BABAM2: variants seen among roughly 807,000 people sequenced by gnomAD.
The protein encoded by BABAM2 is BRISC and BRCA1-A complex member 2.
A neutral mutation model predicts 54.7 loss-of-function variants in BABAM2; 31 were observed. The ratio of observed to expected loss-of-function variants is 0.57; its 90% CI spans 0.43 to 0.77. The LOEUF is 0.77. BABAM2 is among the 30% of genes least tolerant of loss of function. The pLI is 0.00. For missense variants in BABAM2, 364 were observed against 455.8 expected, an observed-to-expected ratio of 0.80 and a Z score of 1.83; for synonymous variants, 167 against 162.9, an observed-to-expected ratio of 1.03 and a Z score of -0.19.
chr2:28,127,563 C>T (rs554204134), intron 6 of BABAM2, among the ~76,000 whole-genome samples: 15 of 152,164 alleles, frequency 9.9e-5, no homozygotes, highest in African/African-American at 3.6e-4. Context: ...TCTTTCCTTT[C>T]CTTTAAAAAT....
At chr2:27,979,695 T>C (rs950861635) in intron 3 of BABAM2, among the ~76,000 whole-genome samples, 8 of 152,184 alleles carry the variant, frequency 5.3e-5, no homozygotes, top group Admixed American at 3.3e-4. Context: ...TTTTGATGTG[T>C]ATTTCTCTAA....
chr2:28,018,850 T>C (rs2148549199), intron 4 of BABAM2, among the ~76,000 whole-genome samples: 1 of 152,332 alleles, frequency 6.6e-6, no homozygotes, highest in East Asian at 1.9e-4. Flanking sequence ...TAAAACATTT[T>C]ACTTTAAGTT....
chr2:28,213,534 TA>T (rs1292566265), intron 7 of BABAM2, among the ~76,000 whole-genome samples: 1 of 152,112 alleles, frequency 6.6e-6, no homozygotes, highest in African/African-American at 2.4e-5. Flanking sequence ...ATAATATTAA[TA>T]AGGAATATAA....
rs553882473 is a variant in BABAM2, at chr2:28,050,368, C to A, written c.570+4569C>A. ...ACCAGGTGGGTGGCAGAAGGCTTTTCTTCACTTTCCTTGATTTATACTATA... is the reference window on the plus strand; with the variant it reads ...ACCAGGTGGGTGGCAGAAGGCTTTTATTCACTTTCCTTGATTTATACTATA... On this transcript the variant is annotated intron_variant, in intron 6 of 11. Transcript: ENST00000379624. Among the ~76,000 whole-genome samples, 4 of 152,274 alleles carry A rather than the reference C, an allele frequency of 2.6e-5. No individual in the cohort carries two copies. In the South Asian group the frequency reaches 8.3e-4, roughly 32 times the overall value.
chr2:28,177,087 G>C (rs533500539), intron 7 of BABAM2, among the ~76,000 whole-genome samples: 2 of 151,936 alleles, frequency 1.3e-5, no homozygotes, highest in Non-Finnish European at 2.9e-5. Flanking sequence ...AATCCAAAAA[G>C]GTTCTTCCCT....
chr2:28,294,253 G>A (rs187558182), intron 10 of BABAM2, among the ~76,000 whole-genome samples: 5 of 152,130 alleles, frequency 3.3e-5, no homozygotes, highest in Non-Finnish European at 7.4e-5. Context: ...GACGGCAGGC[G>A]TCTGTAATCC....
At chr2:27,932,782 G>A (rs1272128976) in intron 3 of BABAM2, among the ~76,000 whole-genome samples, 3 of 152,114 alleles carry the variant, frequency 2.0e-5, no homozygotes, top group Non-Finnish European at 2.9e-5. Context: ...GGTTTACTAG[G>A]ACAGATGGCT....
chr2:28,194,671 T>A (rs1677320635), intron 7 of BABAM2, among the ~76,000 whole-genome samples: 1 of 135,516 alleles, frequency 7.4e-6, no homozygotes, highest in South Asian at 2.5e-4. Flanking sequence ...AACCTCCGCC[T>A]CCTGGGTTCA....
intron 6 of BABAM2, among the ~76,000 whole-genome samples, chr2:28,066,355 T>C (rs1663566138): frequency 1.3e-5 from 2 of 152,148 alleles, no homozygotes; most frequent in Non-Finnish European, 2.9e-5. Flanking sequence ...AAAGGCTTTT[T>C]ATTCTTTAGT....
intron 10 of BABAM2, among the ~76,000 whole-genome samples, chr2:28,264,567 A>G (rs977164157): frequency 1.3e-5 from 2 of 152,242 alleles, no homozygotes; most frequent in Non-Finnish European, 2.9e-5. Flanking sequence ...TTATGTTGGA[A>G]GAATGGAGTG....
intron 3 of BABAM2, among the ~76,000 whole-genome samples, chr2:27,932,406 G>T (rs888265117): frequency 6.6e-6 from 1 of 152,008 alleles, no homozygotes; most frequent in East Asian, 1.9e-4. Context: ...TTTCCCTAGG[G>T]ATTATATTTT....
At chr2:27,940,357 T>A (rs1050260322) in intron 3 of BABAM2, among the ~76,000 whole-genome samples, 1 of 152,212 alleles carries the variant, frequency 6.6e-6, no homozygotes, top group Admixed American at 6.5e-5. Flanking sequence ...GTGTACTGTA[T>A]TTAAATAGGG....
At chr2:28,044,462 C>T (rs769848299) in intron 5 of BABAM2, among the ~76,000 whole-genome samples, 31 of 152,232 alleles carry the variant, frequency 2.0e-4, no homozygotes, top group Non-Finnish European at 3.7e-4. Context: ...ATGTCCTGAC[C>T]GTGGGTGATC....
chr2:27,910,691 G>A (rs1459115126), intron 2 of BABAM2, among the ~76,000 whole-genome samples: 2 of 152,116 alleles, frequency 1.3e-5, no homozygotes, highest in Non-Finnish European at 2.9e-5. Flanking sequence ...ATGGCATTTT[G>A]TGTGAGGCTT....
chr2:28,199,772 C>A (rs1392196201), intron 7 of BABAM2, among the ~76,000 whole-genome samples: 1 of 152,072 alleles, frequency 6.6e-6, no homozygotes, highest in Non-Finnish European at 1.5e-5. Context: ...TTTGAAGGAC[C>A]TGCAGACTGA....
At chr2:28,245,476 A>G (rs1254139842) in intron 10 of BABAM2, among the ~76,000 whole-genome samples, 3 of 152,248 alleles carry the variant, frequency 2.0e-5, no homozygotes, top group African/African-American at 4.8e-5. Context: ...GGCATACCTA[A>G]TGGTGGTTGT....
chr2:28,026,665 G>A (rs1193574253), intron 5 of BABAM2, among the ~76,000 whole-genome samples: 1 of 144,220 alleles, frequency 6.9e-6, no homozygotes, highest in Non-Finnish European at 1.5e-5. Context: ...AAACCACCAT[G>A]GCATGTGTGT....
chr2:27,980,708 C>G (rs1299796394), intron 3 of BABAM2, among the ~76,000 whole-genome samples: 1 of 143,238 alleles, frequency 7.0e-6, no homozygotes, highest in Admixed American at 7.3e-5. Flanking sequence ...AGTAAACTTC[C>G]TCCCCTTTTA....
chr2:28,097,451 T>C (rs1187106125), intron 6 of BABAM2, among the ~76,000 whole-genome samples: 1 of 152,242 alleles, frequency 6.6e-6, no homozygotes, highest in Non-Finnish European at 1.5e-5. Flanking sequence ...AAATGATCTT[T>C]AATTACCTTT....
Sources: allele counts gnomAD v4.1 joint callset (sites outside exome capture counted in the v4.1 genomes callset), GRCh38; gene constraint gnomAD v4.1.1; transcripts MANE v1.5; gene names NCBI Gene and HGNC (gene_info 2026-07-23, HGNC 2026-07-21).